Variants in TAF2 observed in about 807,000 individuals in gnomAD.
The protein encoded by TAF2 is TATA-box binding protein associated factor 2.
Under a neutral mutation model 138.5 loss-of-function variants are expected in TAF2, and 61 were observed. That is an observed-to-expected ratio of 0.44 (90% CI 0.36 to 0.54). The LOEUF is 0.54. Among genes scored for constraint, TAF2 ranks in the 20% least tolerant of loss-of-function variants. The pLI is 0.00. For synonymous variants in TAF2, 475 were observed against 469.9 expected (o/e 1.01, Z -0.14); for missense variants, 1,090 against 1,427.9 (o/e 0.76, Z 3.81).
intron 3 of TAF2, among the ~76,000 whole-genome samples, chr8:119,813,102 T>C (rs1193264252): frequency 6.6e-6 from 1 of 151,928 alleles, no homozygotes; most frequent in Non-Finnish European, 1.5e-5. Flanking sequence ...CCAACATCTG[T>C]TTTTTTTGTT....
At chr8:119,785,428 CTT>C (rs1468562020) in intron 14 of TAF2, among the ~76,000 whole-genome samples, 162 bp from the exon 15 acceptor site, 1 of 152,150 alleles carries the variant, frequency 6.6e-6, no homozygotes, top group African/African-American at 2.4e-5. Flanking sequence ...AACAAAGTCT[CTT>C]TATTTTAAAG....
chr8:119,746,677 C>T (rs922099949), intron 23 of TAF2, 28 bp downstream of exon 23: 30 of 1,601,274 alleles, frequency 1.9e-5, no homozygotes, highest in African/African-American at 5.4e-5. Context: ...AATGAAACTA[C>T]GTCTTCTGTA....
intron 3 of TAF2, among the ~76,000 whole-genome samples, chr8:119,812,945 T>C (rs1424599113): frequency 6.6e-6 from 1 of 152,182 alleles, no homozygotes; most frequent in African/African-American, 2.4e-5. Context: ...TAGGGACTTA[T>C]TTTCCTTTTA....
At chr8:119,749,284 C>T (rs1488587679) in intron 22 of TAF2, among the ~76,000 whole-genome samples, 1 of 152,044 alleles carries the variant, frequency 6.6e-6, no homozygotes. Flanking sequence ...TTTGGTTTTG[C>T]TAGACCTTTA....
intron 9 of TAF2, among the ~76,000 whole-genome samples, chr8:119,794,042 C>T (rs1032328473): frequency 3.3e-5 from 5 of 151,984 alleles, no homozygotes; most frequent in Non-Finnish European, 7.4e-5. Flanking sequence ...ATCCTCCCAC[C>T]TCAGCCCAAG....
At chr8:119,746,525 A>G (rs1251965939) in intron 23 of TAF2, among the ~76,000 whole-genome samples, 180 bp downstream of exon 23, 1 of 152,182 alleles carries the variant, frequency 6.6e-6, no homozygotes, top group Non-Finnish European at 1.5e-5. Flanking sequence ...GCAGTTTTAT[A>G]GTTGCCAGTA....
At chr8:119,749,689 G>T (rs889513731) in intron 22 of TAF2, among the ~76,000 whole-genome samples, 3 of 152,132 alleles carry the variant, frequency 2.0e-5, no homozygotes, top group Admixed American at 6.5e-5. Flanking sequence ...CCCTCATCAG[G>T]TCTAAAATCT....
At chr8:119,755,189 T>C (rs1197991557) in intron 22 of TAF2, among the ~76,000 whole-genome samples, 2 of 152,218 alleles carry the variant, frequency 1.3e-5, no homozygotes, top group Non-Finnish European at 2.9e-5. Flanking sequence ...TCTTACCTCT[T>C]GACCTCACTC....
At chr8:119,734,042 G>A (rs1819055436) in intron 25 of TAF2, among the ~76,000 whole-genome samples, 1 of 152,150 alleles carries the variant, frequency 6.6e-6, no homozygotes, top group Non-Finnish European at 1.5e-5. Context: ...CATCCTACGA[G>A]TAGAGGCCAG....
At chr8:119,742,146 G>T (rs564960403) in intron 25 of TAF2, among the ~76,000 whole-genome samples, 2 of 152,042 alleles carry the variant, frequency 1.3e-5, no homozygotes, top group African/African-American at 4.8e-5. Flanking sequence ...TTTTATAAAG[G>T]TACAAATTAG....
intron 10 of TAF2, among the ~76,000 whole-genome samples, chr8:119,792,143 T>C (rs1052941949): frequency 1.1e-4 from 14 of 132,780 alleles, no homozygotes; most frequent in African/African-American, 3.5e-4. Context: ...AAGAATTTCT[T>C]TCTTTCTTTT....
Position 119,783,351 on chromosome 8 carries a change from T to G in TAF2, c.2112+30A>C, listed in dbSNP as rs199697955. The G allele has an allele frequency of 2.5e-6, 4 of 1,609,730 alleles. No homozygotes were observed. The South Asian group carries it at 4.4e-5, about 18-fold the overall frequency. ...GAGATACAAAAAATATATACAATAG[T>G]CATTTCCTTTATGCTGTATATAATC... is the stretch of plus-strand genomic sequence containing the variant. On this transcript the variant is annotated intron_variant, in intron 16 of 25. Transcript: ENST00000378164.
intron 18 of TAF2, among the ~76,000 whole-genome samples, chr8:119,773,826 C>T (rs1266344297): frequency 6.6e-6 from 1 of 151,578 alleles, no homozygotes; most frequent in East Asian, 1.9e-4. Flanking sequence ...TCCTTCCAAG[C>T]ACTTCCTTAG....
At chr8:119,808,251 T>C (rs1399807248) in intron 3 of TAF2, among the ~76,000 whole-genome samples, 2 of 152,236 alleles carry the variant, frequency 1.3e-5, no homozygotes, top group Non-Finnish European at 2.9e-5. Flanking sequence ...ATTCAGAGCA[T>C]CTTCACCAGT....
intron 22 of TAF2, among the ~76,000 whole-genome samples, chr8:119,751,087 C>A (rs1820318892): frequency 6.6e-6 from 1 of 152,098 alleles, no homozygotes; most frequent in South Asian, 2.1e-4. Context: ...CAATAAAAAT[C>A]TCCAATTCTT....
intron 18 of TAF2, among the ~76,000 whole-genome samples, chr8:119,772,479 G>C (rs1429448344): frequency 1.3e-5 from 2 of 152,136 alleles, no homozygotes; most frequent in Non-Finnish European, 2.9e-5. Flanking sequence ...AGCGAGGGTT[G>C]AAAAATTACC....
chr8:119,750,761 T>C (rs373794196), intron 22 of TAF2, among the ~76,000 whole-genome samples: 63 of 152,278 alleles, frequency 4.1e-4, no homozygotes, highest in African/African-American at 1.4e-3. Flanking sequence ...ACCTGGCAAA[T>C]CCTATCAAAC....
At chr8:119,809,927 G>A (rs1824921141) in intron 3 of TAF2, among the ~76,000 whole-genome samples, 1 of 148,122 alleles carries the variant, frequency 6.8e-6, no homozygotes, top group Non-Finnish European at 1.5e-5. Context: ...GACATGAAAT[G>A]TGCATGTGTT....
intron 17 of TAF2, 140 bp from the exon 18 acceptor site, chr8:119,778,269 C>A (rs184907977): frequency 5.2e-6 from 3 of 581,294 alleles, no homozygotes; most frequent in East Asian, 5.8e-5. Flanking sequence ...CACACCCCAA[C>A]CCCTCCCACT....
Sources: gnomAD v4.1 joint callset for allele counts (sites outside exome capture counted in the v4.1 genomes callset) on GRCh38, gnomAD v4.1.1 for gene constraint, MANE v1.5 for transcripts, NCBI Gene and HGNC (gene_info 2026-07-23, HGNC 2026-07-21) for gene names.